LRFN5: variants seen among roughly 807,000 people sequenced by gnomAD.
LRFN5 encodes the protein leucine-rich repeat and fibronectin type-III domain-containing protein 5.
In LRFN5, 24 loss-of-function variants were observed where a neutral mutation model predicts 45.6. That is an observed-to-expected ratio of 0.53 (90% CI 0.38 to 0.74). The LOEUF (loss-of-function observed/expected upper bound fraction) is 0.74. LRFN5 is among the 30% of genes least tolerant of loss of function. The probability of loss-of-function intolerance (pLI) is 0.00; values close to 1 mark genes in which losing one functional copy is unlikely to be tolerated. For missense variants in LRFN5, 776 were observed against 861.5 expected, an observed-to-expected ratio of 0.90 and a Z score of 1.24; for synonymous variants, 340 against 313.8, an observed-to-expected ratio of 1.08 and a Z score of -0.88.
At chr14:41,750,847 A>T (rs1885101382) in intron 1 of LRFN5, among the ~76,000 whole-genome samples, 1 of 151,908 alleles carries the variant, frequency 6.6e-6, no homozygotes, top group Non-Finnish European at 1.5e-5. Flanking sequence ...TTATACCTTA[A>T]GTTCTAGGGT....
intron 2 of LRFN5, among the ~76,000 whole-genome samples, chr14:41,849,086 C>A (rs1951873): frequency 0.028 from 4,223 of 152,004 alleles, 211 homozygotes; most frequent in African/African-American, 0.097. Context: ...TCCATTTATG[C>A]CCCTAAAGAG....
intron 1 of LRFN5, among the ~76,000 whole-genome samples, chr14:41,679,931 T>C (rs1247236491): frequency 6.6e-6 from 1 of 152,060 alleles, no homozygotes; most frequent in Non-Finnish European, 1.5e-5. Context: ...AAAATCTAGC[T>C]AAAGAGCACT....
At chr14:41,836,898 G>A (rs1888681034) in intron 2 of LRFN5, among the ~76,000 whole-genome samples, 1 of 152,058 alleles carries the variant, frequency 6.6e-6, no homozygotes, top group African/African-American at 2.4e-5. Context: ...GTAGCAGCAG[G>A]ACACAGAGAG....
intron 4 of LRFN5, among the ~76,000 whole-genome samples, chr14:41,898,207 A>G (rs1891000939): frequency 6.6e-6 from 1 of 152,026 alleles, no homozygotes; most frequent in Non-Finnish European, 1.5e-5. Context: ...GTTTTCTATC[A>G]TGTGTCACTT....
Position 41,875,240 on chromosome 14 carries a change from C to G in LRFN5, c.-20-11366C>G, listed in dbSNP as rs75667554. 4.6e-5 allele frequency among the ~76,000 whole-genome samples: 7 copies of G among 152,372 alleles called. No individual in the cohort carries two copies. The East Asian group carries it at 1.2e-3, about 25-fold the overall frequency. ...TATTTCCCACTTACTTCTGCACATG[C>G]ATAGGAAATGCTCATGAACAACAAA... On this transcript the variant is annotated intron_variant, in intron 2 of 5. Transcript: ENST00000298119.
intron 1 of LRFN5, among the ~76,000 whole-genome samples, chr14:41,646,068 T>A (rs1879804115): frequency 6.6e-6 from 1 of 152,126 alleles, no homozygotes; most frequent in African/African-American, 2.4e-5. Context: ...AGTGATCAGA[T>A]CAGAGTAAGT....
chr14:41,643,687 A>G (rs1879685017), intron 1 of LRFN5, among the ~76,000 whole-genome samples: 1 of 150,484 alleles, frequency 6.6e-6, no homozygotes, highest in African/African-American at 2.5e-5. Flanking sequence ...TGCACGTGAG[A>G]GTGCACACAT....
intron 1 of LRFN5, among the ~76,000 whole-genome samples, chr14:41,666,970 A>C (rs1412118535): frequency 6.6e-6 from 1 of 152,110 alleles, no homozygotes; most frequent in African/African-American, 2.4e-5. Flanking sequence ...AACGTTATAG[A>C]GTTTTGTAGG....
intron 1 of LRFN5, among the ~76,000 whole-genome samples, chr14:41,712,795 A>G (rs1326507828): frequency 6.6e-6 from 1 of 152,150 alleles, no homozygotes; most frequent in Non-Finnish European, 1.5e-5. Context: ...TTTGAAGTTT[A>G]AAATAATAGA....
At chr14:41,609,281 T>C (rs999551463) in intron 1 of LRFN5, among the ~76,000 whole-genome samples, 2 of 152,172 alleles carry the variant, frequency 1.3e-5, no homozygotes, top group African/African-American at 4.8e-5. Flanking sequence ...TCCAGCTGTA[T>C]TGTCCCCGTC....
intron 1 of LRFN5, among the ~76,000 whole-genome samples, chr14:41,763,146 A>G (rs764593492): frequency 8.5e-5 from 13 of 152,334 alleles, no homozygotes; most frequent in Admixed American, 3.9e-4. Context: ...TGCAATGCCT[A>G]TAATGTATAA....
At chr14:41,781,032 A>G (rs948904891) in intron 2 of LRFN5, among the ~76,000 whole-genome samples, 4 of 152,192 alleles carry the variant, frequency 2.6e-5, no homozygotes, top group African/African-American at 9.6e-5. Context: ...GCTATATTCA[A>G]ACAAAATATT....
At chr14:41,610,631 A>C (rs1887708672) in intron 1 of LRFN5, among the ~76,000 whole-genome samples, 1 of 134,716 alleles carries the variant, frequency 7.4e-6, no homozygotes, top group Non-Finnish European at 1.5e-5. Flanking sequence ...ACTTTAACAG[A>C]ACTTTACCCC....
At position 41,894,962 on chromosome 14, in the gene LRFN5, A is replaced by G. The variant is rs985780069; in HGVS notation, c.2098+3000A>G. 6 of 973,226 alleles carry G rather than the reference A, an allele frequency of 6.2e-6. No individual in the cohort carries two copies. In the African/African-American group the frequency reaches 1.1e-4, roughly 17 times the overall value. The allele number at this position is 973,226 out of a possible 1,614,324, so 60.3% of individuals were successfully genotyped here. A position where few individuals can be genotyped will look rare whatever the true frequency, so the allele number is the denominator to read the frequency against. On this transcript the variant is annotated intron_variant, in intron 4 of 5. Coordinates refer to ENST00000298119, the MANE Select transcript of LRFN5 (RefSeq NM_152447.5). ...TGTTGTTTCTGACTATATGAAGATT[A>G]TATATACATATATATTATTTTTGCT... is the stretch of plus-strand genomic sequence containing the variant.
chr14:41,726,320 C>T (rs17781361), intron 1 of LRFN5, among the ~76,000 whole-genome samples: 25,508 of 151,984 alleles, frequency 0.17, 2,319 homozygotes, highest in Non-Finnish European at 0.22. Flanking sequence ...TTTTCCTTTC[C>T]AATTTGTGTC....
chr14:41,772,332 A>G (rs1401948120), intron 2 of LRFN5, among the ~76,000 whole-genome samples: 8 of 152,224 alleles, frequency 5.3e-5, no homozygotes, highest in Non-Finnish European at 1.2e-4. Flanking sequence ...AATCTGATAG[A>G]TATATTTTCA....
At chr14:41,899,522 A>G (rs919993681) in intron 5 of LRFN5, among the ~76,000 whole-genome samples, 1 of 151,688 alleles carries the variant, frequency 6.6e-6, no homozygotes, top group Non-Finnish European at 1.5e-5. Flanking sequence ...TTTAGGGGGG[A>G]TGTTTGAAAT....
intron 1 of LRFN5, among the ~76,000 whole-genome samples, chr14:41,676,583 A>G (rs1881638311): frequency 6.6e-6 from 1 of 152,134 alleles, no homozygotes; most frequent in Non-Finnish European, 1.5e-5. Flanking sequence ...GAACCCTCCT[A>G]GGTTTTCAGT....
chr14:41,718,386 C>T (rs528087961), intron 1 of LRFN5, among the ~76,000 whole-genome samples: 1 of 152,228 alleles, frequency 6.6e-6, no homozygotes, highest in African/African-American at 2.4e-5. Flanking sequence ...CATTAAGTGT[C>T]ATATTAAGTA....
Sources: gnomAD v4.1 joint callset for allele counts (sites outside exome capture counted in the v4.1 genomes callset) on GRCh38, gnomAD v4.1.1 for gene constraint, MANE v1.5 for transcripts, NCBI Gene and HGNC (gene_info 2026-07-23, HGNC 2026-07-21) for gene names.